The following NTNG1 variants were observed in gnomAD, a reference collection of about 807,000 sequenced individuals.
NTNG1 encodes netrin-G1.
Under a neutral mutation model 54.0 loss-of-function variants are expected in NTNG1, and 16 were observed. The ratio of observed to expected loss-of-function variants is 0.30; its 90% CI spans 0.20 to 0.45. The LOEUF is 0.45. NTNG1 is among the 20% of genes least tolerant of loss of function. NTNG1 has a pLI of 1.00. For missense variants in NTNG1, 530 were observed against 678.7 expected (o/e 0.78, Z 2.43); for synonymous variants, 255 against 263.1 (o/e 0.97, Z 0.30).
intron 3 of NTNG1, among the ~76,000 whole-genome samples, chr1:107,380,915 T>C (rs552238878): frequency 2.6e-5 from 4 of 152,288 alleles, no homozygotes; most frequent in African/African-American, 9.6e-5. Context: ...TTCTGTTAAA[T>C]ATAAAACAAA....
chr1:107,262,078 C>T (rs1356312306), intron 2 of NTNG1, among the ~76,000 whole-genome samples: 3 of 152,144 alleles, frequency 2.0e-5, no homozygotes, highest in Non-Finnish European at 4.4e-5. Flanking sequence ...AGTTAATGTA[C>T]CTAAGTGCTG....
At chr1:107,421,041 C>T (rs1193051341) in intron 5 of NTNG1, 1 of 1,395,724 alleles carries the variant, frequency 7.2e-7, no homozygotes, top group Non-Finnish European at 1.0e-6. Flanking sequence ...GAACGTTTCA[C>T]TATTGTTTCT....
chr1:107,394,206 G>C (rs1194746585), intron 3 of NTNG1, among the ~76,000 whole-genome samples: 5 of 152,092 alleles, frequency 3.3e-5, no homozygotes, highest in Admixed American at 6.6e-5. Flanking sequence ...GTCAATGTAG[G>C]TTTTACCTTT....
Position 107,165,095 on chromosome 1 carries a change from AGTGACTCAGGATGGAGCAAGTGACCAGGG to A in NTNG1, c.246+16267_246+16295del, listed in dbSNP as rs1655688523. ...ATTCAGGTCAGAGAAGGTGACCAGGAGTGACTCAGGATGGAGCAAGTGACCAGGGGTGACTCAGGTCAAAGCAGGTGACC... is the reference window on the plus strand; with the variant it reads ...ATTCAGGTCAGAGAAGGTGACCAGGAGTGACTCAGGTCAAAGCAGGTGACC... On this transcript the variant is annotated intron_variant, in intron 2 of 7. Coordinates refer to ENST00000370068, the MANE Select transcript of NTNG1 (RefSeq NM_001113226.3). Among the ~76,000 whole-genome samples, 3 of 152,136 alleles carry A rather than the reference AGTGACTCAGGATGGAGCAAGTGACCAGGG, an allele frequency of 2.0e-5. No individual in the cohort carries two copies. The South Asian group carries it at 6.2e-4, about 32-fold the overall frequency.
rs915381649 is a variant in NTNG1, at chr1:107,484,037, G to GC, written c.*3203dup. 3.3e-5 allele frequency among the ~76,000 whole-genome samples: 5 copies of GC among 152,168 alleles called. No individual in the cohort carries two copies. The highest frequency in any genetic ancestry group is 7.2e-5 in the African/African-American group (3 of 41,502). ...CCTAGAGTTTCCTACTCAGATAACC[G>GC]CCCCCCACACGCACACTTTTAGGCC... On this transcript the variant is annotated 3_prime_UTR_variant, in exon 8 of 8. Coordinates refer to ENST00000370068, the MANE Select transcript of NTNG1 (RefSeq NM_001113226.3).
intron 3 of NTNG1, among the ~76,000 whole-genome samples, chr1:107,387,452 G>T (rs1307853461): frequency 6.6e-6 from 1 of 152,196 alleles, no homozygotes; most frequent in Non-Finnish European, 1.5e-5. Flanking sequence ...GTGAAATCTT[G>T]TTAACGTTGC....
At chr1:107,156,939 C>T (rs1238405894) in intron 2 of NTNG1, among the ~76,000 whole-genome samples, 1 of 152,156 alleles carries the variant, frequency 6.6e-6, no homozygotes, top group Non-Finnish European at 1.5e-5. Context: ...ACCTTGTAAA[C>T]TATACCTGTG....
intron 2 of NTNG1, among the ~76,000 whole-genome samples, chr1:107,169,765 A>T (rs370559592): frequency 6.6e-6 from 1 of 152,216 alleles, no homozygotes. Context: ...ATTCATTAAG[A>T]CATCGAATCT....
intron 2 of NTNG1, among the ~76,000 whole-genome samples, chr1:107,261,735 C>T (rs575234876): frequency 2.6e-5 from 4 of 152,088 alleles, no homozygotes; most frequent in Non-Finnish European, 4.4e-5. Flanking sequence ...CCCAGCTACT[C>T]GGGAGGCTGA....
intron 4 of NTNG1, 111 bp from the exon 5 acceptor site, chr1:107,407,569 AAT>A (rs1294127009): frequency 2.5e-6 from 2 of 790,056 alleles, no homozygotes; most frequent in Non-Finnish European, 4.1e-6. Flanking sequence ...CTAATTTCTT[AAT>A]AGTCTGAATA....
In NTNG1 at chr1:107,280,034, GGTGTGTGT is replaced by G. The variant is rs58563513; in HGVS notation, c.247-44221_247-44214del. ...ACTTCTGAATTCCTGTTCCTTTGTT[GGTGTGTGT>G]GTGTGTGTGTGTGTGTGTGTGTGTG... On this transcript the variant is annotated intron_variant, in intron 2 of 7. Transcript: ENST00000370068. Among the ~76,000 whole-genome samples, 1,094 of 146,552 alleles carry G rather than the reference GGTGTGTGT, an allele frequency of 7.5e-3. 47 individuals are homozygous for G. Among genetic ancestry groups the G allele is most frequent in the Admixed American group, 0.066 (977 of 14,808 alleles).
At chr1:107,279,858 A>AT (rs1664715549) in intron 2 of NTNG1, among the ~76,000 whole-genome samples, 1 of 152,056 alleles carries the variant, frequency 6.6e-6, no homozygotes, top group Non-Finnish European at 1.5e-5. Context: ...GGGTGTGAAC[A>AT]TAACACATTG....
chr1:107,414,448 A>T (rs190239632), intron 5 of NTNG1, among the ~76,000 whole-genome samples: 1 of 152,288 alleles, frequency 6.6e-6, no homozygotes, highest in East Asian at 1.9e-4. Context: ...TTCAGATTAA[A>T]GGTTAGAAAT....
In NTNG1 at chr1:107,225,514, A is replaced by G. The variant is rs114139952; in HGVS notation, c.246+76675A>G. On this transcript the variant is annotated intron_variant, in intron 2 of 7. Coordinates refer to ENST00000370068, the MANE Select transcript of NTNG1 (RefSeq NM_001113226.3). Reference sequence around the variant, plus strand: ...TTGGATTTAGACAGATCTGTGTTTGAGTGCCTGATGAATCACTTTACTATC... The same window carrying G: ...TTGGATTTAGACAGATCTGTGTTTGGGTGCCTGATGAATCACTTTACTATC... Among the ~76,000 whole-genome samples the G allele has an allele frequency of 8.3e-3, 1,271 of 152,232 alleles. 12 individuals are homozygous for G. The highest frequency in any genetic ancestry group is 0.029 in the African/African-American group (1,204 of 41,542).
At chr1:107,437,294 G>A (rs977330083) in intron 7 of NTNG1, among the ~76,000 whole-genome samples, 3 of 152,148 alleles carry the variant, frequency 2.0e-5, no homozygotes, top group South Asian at 4.1e-4. Flanking sequence ...TAAACGTGGG[G>A]TAAAATAAAT....
chr1:107,458,134 C>A (rs559877909), intron 7 of NTNG1, among the ~76,000 whole-genome samples: 1 of 152,066 alleles, frequency 6.6e-6, no homozygotes, highest in Non-Finnish European at 1.5e-5. Flanking sequence ...ACACACAGAA[C>A]AATAAAAAGC....
intron 2 of NTNG1, among the ~76,000 whole-genome samples, chr1:107,219,814 A>G (rs1339955138): frequency 6.6e-6 from 1 of 151,904 alleles, no homozygotes; most frequent in African/African-American, 2.4e-5. Flanking sequence ...AGTGAAGTGG[A>G]CTCTGTGAGG....
chr1:107,231,500 G>C (rs1410300605), intron 2 of NTNG1, among the ~76,000 whole-genome samples: 1 of 152,146 alleles, frequency 6.6e-6, no homozygotes, highest in Non-Finnish European at 1.5e-5. Flanking sequence ...AGGACTATTT[G>C]TGGTATTTTG....
intron 3 of NTNG1, among the ~76,000 whole-genome samples, chr1:107,369,820 C>T (rs1670812078): frequency 6.6e-6 from 1 of 151,946 alleles, no homozygotes; most frequent in Non-Finnish European, 1.5e-5. Flanking sequence ...TCTAAGGTCA[C>T]CAAGACTTTC....
Sources: allele counts gnomAD v4.1 joint callset (sites outside exome capture counted in the v4.1 genomes callset), GRCh38; gene constraint gnomAD v4.1.1; transcripts MANE v1.5; gene names NCBI Gene and HGNC (gene_info 2026-07-23, HGNC 2026-07-21).